Variants in ACTL6B observed in about 807,000 individuals in gnomAD.
ACTL6B encodes the protein actin like 6B.
A neutral mutation model predicts 63.3 loss-of-function variants in ACTL6B; 48 were observed. The ratio of observed to expected loss-of-function variants is 0.76; its 90% CI spans 0.60 to 0.96. The LOEUF (loss-of-function observed/expected upper bound fraction) is 0.96. ACTL6B is among the 50% of genes least tolerant of loss of function. The pLI is 0.00. For synonymous variants in ACTL6B, 230 were observed against 223.8 expected (o/e 1.03, Z -0.25); for missense variants, 350 against 572.2 (o/e 0.61, Z 3.96).
In ACTL6B at chr7:100,643,277, C is replaced by T. The variant is rs1233828100; in HGVS notation, c.1250G>A (p.Gly417Glu). The T allele has an allele frequency of 1.2e-6, 2 of 1,613,964 alleles. No homozygotes were observed. Among genetic ancestry groups the T allele is most frequent in the Non-Finnish European group, 1.7e-6 (2 of 1,179,988 alleles). ...WISKQEYEEG[G>E]KQCVERKCP ...GCACTTTCGCTCCACGCACTGCTTC[C>T]CGCCCTCCTCATATTCCTGCTTGGA... is the stretch of plus-strand genomic sequence containing the variant. The change falls in exon 14 of 14, where the codon GGG (glycine) becomes GAG (glutamate). Residue 417 changes from glycine (G) to glutamate (E), a missense_variant. Gly to Glu is a moderately conservative substitution (Grantham distance 98). Transcript: ENST00000160382.
At chr7:100,654,545 C>T (rs940653941) in intron 4 of ACTL6B, among the ~76,000 whole-genome samples, 16 of 151,372 alleles carry the variant, frequency 1.1e-4, no homozygotes, top group African/African-American at 3.6e-4. Flanking sequence ...CTTTGGGAGG[C>T]CAAGGCGGGT....
rs1041911693 is a variant in ACTL6B at position 100,655,833 on chromosome 7, G to A, written c.72C>T (p.Arg24=). 9 of 1,576,530 alleles carry A rather than the reference G, an allele frequency of 5.7e-6. No individual in the cohort carries two copies. Among genetic ancestry groups the A allele is most frequent in the Non-Finnish European group, 7.8e-6 (9 of 1,160,718 alleles). Residue 24 remains arginine, a synonymous_variant, in exon 2 of 14, where the codon CGC becomes CGT. Coordinates refer to ENST00000160382, the MANE Select transcript of ACTL6B (RefSeq NM_016188.5). The surrounding 1 kb of genome is among the most constrained non-coding windows in gnomAD (Gnocchi z 4.4). ...GACAGTCCTCCCCAGCGTACCCAGC[G>A]CGGACTGAGAAGGAGCCAATGTCAA... ...LVFDIGSFSV[R]AGYAGEDCPK...
chr7:100,648,666 G>A lies in ACTL6B; in HGVS notation c.563-4C>T. ...GCCAGAGGGGACTTGACGATGCCTA[G>A]AAGGAAGGCACTGTCAGGACCTGGT... On this transcript the variant is annotated splice_region_variant and splice_polypyrimidine_tract_variant and intron_variant, in intron 6 of 13. Coordinates refer to ENST00000160382, the MANE Select transcript of ACTL6B (RefSeq NM_016188.5). This position sits in a 1 kb window ranked among gnomAD's most constrained non-coding sequence, Gnocchi z 4.4. The A allele has an allele frequency of 1.2e-6, 2 of 1,612,482 alleles. No individual in the cohort carries two copies. Among genetic ancestry groups the A allele is most frequent in the South Asian group, 1.1e-5 (1 of 90,970 alleles).
intron 4 of ACTL6B, among the ~76,000 whole-genome samples, chr7:100,651,576 GATT>G (rs920242290): frequency 6.6e-6 from 1 of 150,850 alleles, no homozygotes; most frequent in African/African-American, 2.4e-5. Context: ...TTTTTTTTTA[GATT>G]ATTATTTAAT....
At position 100,647,588 on chromosome 7, in the gene ACTL6B, CA is replaced by C; in HGVS notation, c.670-56del. 7.5e-7 allele frequency: 1 copy of C among 1,339,944 alleles called. No individual in the cohort carries two copies. The highest frequency in any genetic ancestry group is 1.0e-6 in the Non-Finnish European group (1 of 966,974). The allele number at this position is 1,339,944 out of a possible 1,614,324, so 83.0% of individuals were successfully genotyped here. On this transcript the variant is annotated intron_variant, in intron 7 of 13. Coordinates refer to ENST00000160382, the MANE Select transcript of ACTL6B (RefSeq NM_016188.5). The surrounding 1 kb of genome is among the most constrained non-coding windows in gnomAD (Gnocchi z 4.4). ...TCCTAGCCCACCTGACCCCCACCCC[CA>C]CCTTCCTGGCACTGTTCCCAGCTCT...
At chr7:100,649,104 T>A (rs1193916370) in intron 5 of ACTL6B, among the ~76,000 whole-genome samples, 6 of 151,692 alleles carry the variant, frequency 4.0e-5, no homozygotes, top group African/African-American at 1.5e-4. Context: ...GCCATTCTCC[T>A]GCCTCAGCCT....
At position 100,646,953 on chromosome 7, in the gene ACTL6B, C is replaced by G. The variant is rs1286452679; in HGVS notation, c.936+18G>C. On this transcript the variant is annotated intron_variant, in intron 10 of 13. Coordinates refer to ENST00000160382, the MANE Select transcript of ACTL6B (RefSeq NM_016188.5). The surrounding 1 kb of genome is among the most constrained non-coding windows in gnomAD (Gnocchi z 6.1). ...ACTGCAGCCAGCACCCACCCCAGTC[C>G]TCGCCACACAGCCAAACCTTGACGT... The G allele has an allele frequency of 6.2e-7, 1 of 1,613,276 alleles. No homozygotes were observed. Among genetic ancestry groups the G allele is most frequent in the Middle Eastern group, 1.7e-4 (1 of 6,060 alleles).
rs766601946 is a variant in ACTL6B, at chr7:100,646,506, G to C, written c.1113+45C>G. ...AAGGGACTCAGTCCTGGACAGCTGA[G>C]CCAGGACGGGTGTCCAGGGCTCTGG... On this transcript the variant is annotated intron_variant, in intron 12 of 13. Transcript: ENST00000160382. The surrounding 1 kb of genome is among the most constrained non-coding windows in gnomAD (Gnocchi z 6.1). 4 of 1,593,662 alleles carry C rather than the reference G, an allele frequency of 2.5e-6. No homozygotes were observed. The Admixed American group carries it at 6.7e-5, about 27-fold the overall frequency.
chr7:100,644,738 C>T (rs1405647910), intron 13 of ACTL6B, among the ~76,000 whole-genome samples: 1 of 151,830 alleles, frequency 6.6e-6, no homozygotes, highest in African/African-American at 2.4e-5. Context: ...TGAGCCACTC[C>T]ACTTGTCCAG....
chr7:100,647,100 G>GCAGGA lies in ACTL6B; in HGVS notation c.822-20_822-16dup. ...GTGCAGCCACCCTACCCAGAAGGGA[G>GCAGGA]CAGGACTCTGCCTGGGGTGCTCAAG... On this transcript the variant is annotated splice_polypyrimidine_tract_variant and intron_variant, in intron 9 of 13. Transcript: ENST00000160382. The surrounding 1 kb of genome is among the most constrained non-coding windows in gnomAD (Gnocchi z 4.4). The GCAGGA allele has an allele frequency of 3.1e-6, 5 of 1,613,344 alleles. No homozygotes were observed. The highest frequency in any genetic ancestry group is 4.2e-6 in the Non-Finnish European group (5 of 1,179,372).
intron 4 of ACTL6B, among the ~76,000 whole-genome samples, chr7:100,653,420 C>T (rs1265325129): frequency 5.3e-5 from 8 of 152,038 alleles, no homozygotes; most frequent in East Asian, 3.9e-4. Flanking sequence ...GAGGCCGAGG[C>T]GGGCAGATTG....
At chr7:100,653,976 A>T (rs899755818) in intron 4 of ACTL6B, among the ~76,000 whole-genome samples, 15 of 144,952 alleles carry the variant, frequency 1.0e-4, no homozygotes, top group African/African-American at 3.0e-4. Context: ...GAGGTTTTAA[A>T]TTTTTTTTTT....
In ACTL6B at chr7:100,643,134, G is replaced by C; in HGVS notation, c.*112C>G. ...AAACATTTTTACTTCTTTCAACCCA[G>C]AAACATCACCATTAATGAGGACAAG... On this transcript the variant is annotated 3_prime_UTR_variant, in exon 14 of 14. Coordinates refer to ENST00000160382, the MANE Select transcript of ACTL6B (RefSeq NM_016188.5). 8.4e-7 allele frequency: 1 copy of C among 1,184,826 alleles called. No homozygotes were observed. Among genetic ancestry groups the C allele is most frequent in the South Asian group, 1.3e-5 (1 of 75,470 alleles). 73.4% of individuals were successfully genotyped at this position (1,184,826 alleles called of 1,614,324 possible).
intron 5 of ACTL6B, 70 bp downstream of exon 5, chr7:100,649,968 C>A: frequency 7.0e-7 from 1 of 1,428,994 alleles, no homozygotes; most frequent in Non-Finnish European, 9.8e-7. Context: ...TCCAGCTCAT[C>A]ACAGCTGAGC....
At position 100,655,231 on chromosome 7, in the gene ACTL6B, C is replaced by T. The variant is rs998026450; in HGVS notation, c.269-112G>A. On this transcript the variant is annotated intron_variant, in intron 3 of 13. Transcript: ENST00000160382. This position sits in a 1 kb window ranked among gnomAD's most constrained non-coding sequence, Gnocchi z 4.4. ...CAAAGGAGGGTCAGTGAGTCCAGCT[C>T]CAGGGGAACGCCCCCCTTCCCAGAA... 6 of 1,179,404 alleles carry T rather than the reference C, an allele frequency of 5.1e-6. No individual in the cohort carries two copies. Among genetic ancestry groups the T allele is most frequent in the Middle Eastern group, 5.0e-4 (2 of 4,000 alleles). 73.1% of individuals were successfully genotyped at this position (1,179,404 alleles called of 1,614,324 possible). A position where few individuals can be genotyped will look rare whatever the true frequency, so the allele number is the denominator to read the frequency against.
chr7:100,648,028 C>T lies in ACTL6B; in HGVS notation c.670-495G>A, dbSNP rs956874944. Among the ~76,000 whole-genome samples, 3 of 150,118 alleles carry T rather than the reference C, an allele frequency of 2.0e-5. No individual in the cohort carries two copies. Among genetic ancestry groups the T allele is most frequent in the African/African-American group, 4.9e-5 (2 of 40,716 alleles). On this transcript the variant is annotated intron_variant, in intron 7 of 13. Coordinates refer to ENST00000160382, the MANE Select transcript of ACTL6B (RefSeq NM_016188.5). The surrounding 1 kb of genome is among the most constrained non-coding windows in gnomAD (Gnocchi z 4.4). ...AGGCTGGAGTGCAGTGGCGCGATCT[C>T]GGCTCACTGCAACCTCTGCCTCCGG... is the stretch of plus-strand genomic sequence containing the variant.
In ACTL6B at chr7:100,647,064, T is replaced by G. The variant is rs759349574; in HGVS notation, c.843A>C (p.Thr281=). 1 of 1,614,074 alleles carries G rather than the reference T, an allele frequency of 6.2e-7. No individual in the cohort carries two copies. Residue 281 remains threonine (T), a synonymous_variant, in exon 10 of 14, where the codon ACA becomes ACC. Transcript: ENST00000160382. This position sits in a 1 kb window ranked among gnomAD's most constrained non-coding sequence, Gnocchi z 4.4. ...AGCCATTGGGCATCTCGTAGTGCACTGTGGGCATTTGTGCAGCCACCCTAC... is the reference window on the plus strand; with the variant it reads ...AGCCATTGGGCATCTCGTAGTGCACGGTGGGCATTTGTGCAGCCACCCTAC... ...YDEQVAAQMP[T]VHYEMPNGYN...
At position 100,655,825 on chromosome 7, in the gene ACTL6B, T is replaced by C; in HGVS notation, c.80A>G (p.Tyr27Cys). 1 of 1,575,676 alleles carries C rather than the reference T, an allele frequency of 6.3e-7. No homozygotes were observed. Among genetic ancestry groups the C allele is most frequent in the Non-Finnish European group, 8.6e-7 (1 of 1,160,102 alleles). The change falls in exon 2 of 14, where the codon TAC becomes TGC. Residue 27 changes from tyrosine to cysteine, a missense_variant. Tyr to Cys is a radical substitution (Grantham distance 194, BLOSUM62 -2). This residue lies in a region of ACTL6B where 250 missense variants were observed against 364.7 expected (regional missense o/e 0.69). Transcript: ENST00000160382. The surrounding 1 kb of genome is among the most constrained non-coding windows in gnomAD (Gnocchi z 4.4). ...DIGSFSVRAGYAGEDCPKADF... is the reference protein window; with the variant it reads ...DIGSFSVRAGCAGEDCPKADF... ...CACCTTGGGACAGTCCTCCCCAGCG[T>C]ACCCAGCGCGGACTGAGAAGGAGCC...
chr7:100,646,374 G>A lies in ACTL6B; in HGVS notation c.1114-39C>T, dbSNP rs1455598518. On this transcript the variant is annotated intron_variant, in intron 12 of 13. Coordinates refer to ENST00000160382, the MANE Select transcript of ACTL6B (RefSeq NM_016188.5). The surrounding 1 kb of genome is among the most constrained non-coding windows in gnomAD (Gnocchi z 6.1). ...GGGGCTGGGGGAAGCAGACACCTAGGTTCTGGGAAGGGACAGGGCTTGGGG... is the reference window on the plus strand; with the variant it reads ...GGGGCTGGGGGAAGCAGACACCTAGATTCTGGGAAGGGACAGGGCTTGGGG... 6.2e-6 allele frequency: 10 copies of A among 1,606,264 alleles called. No individual in the cohort carries two copies. The highest frequency in any genetic ancestry group is 8.5e-6 in the Non-Finnish European group (10 of 1,175,496).
Sources: gnomAD v4.1 joint callset for allele counts (sites outside exome capture counted in the v4.1 genomes callset) on GRCh38, gnomAD v4.1.1 for gene constraint, gnomAD v4.1.1 regional missense constraint, Gnocchi (gnomAD v3.1) non-coding constraint, MANE v1.5 for transcripts, NCBI Gene and HGNC (gene_info 2026-07-23, HGNC 2026-07-21) for gene names.